The following SLC15A5 variants were observed in gnomAD, a reference collection of about 807,000 sequenced individuals.
SLC15A5 encodes solute carrier family 15 member 5, also known as Peptide/histidine transporter ENSP00000340402.
In SLC15A5, 58 loss-of-function variants were observed where a neutral mutation model predicts 56.1. The ratio of observed to expected loss-of-function variants is 1.03; its 90% CI spans 0.84 to 1.29. SLC15A5 has a LOEUF of 1.29. Among genes scored for constraint, SLC15A5 ranks in the 50% most tolerant of loss-of-function variants. SLC15A5 has a pLI of 0.00. For synonymous variants in SLC15A5, 264 were observed against 250.5 expected (o/e 1.05, Z -0.51); for missense variants, 681 against 672.1 (o/e 1.01, Z -0.15).
chr12:16,231,968 A>G (rs1864303902), intron 5 of SLC15A5, among the ~76,000 whole-genome samples: 1 of 152,234 alleles, frequency 6.6e-6, no homozygotes, highest in South Asian at 2.1e-4. Context: ...TTCCCTTGCC[A>G]AATGGCATTC....
chr12:16,260,369 C>T (rs1341030485), intron 2 of SLC15A5, among the ~76,000 whole-genome samples: 2 of 152,116 alleles, frequency 1.3e-5, no homozygotes, highest in Non-Finnish European at 2.9e-5. Context: ...GTCTTCTTTC[C>T]ACCTTTTGGA....
intron 4 of SLC15A5, among the ~76,000 whole-genome samples, chr12:16,242,080 A>G (rs1591652863): frequency 6.6e-6 from 1 of 152,212 alleles, no homozygotes; most frequent in Non-Finnish European, 1.5e-5. Flanking sequence ...TCAAATGGCA[A>G]CCTCATCAGC....
At chr12:16,208,531 C>T (rs147204100) in intron 7 of SLC15A5, among the ~76,000 whole-genome samples, 44 of 152,098 alleles carry the variant, frequency 2.9e-4, no homozygotes, top group African/African-American at 1.0e-3. Flanking sequence ...AAATTAGCCA[C>T]GCGGTGGTGT....
At chr12:16,209,878 C>A (rs892527620) in intron 7 of SLC15A5, among the ~76,000 whole-genome samples, 2 of 152,108 alleles carry the variant, frequency 1.3e-5, no homozygotes, top group Non-Finnish European at 2.9e-5. Flanking sequence ...ATTCTTTCTT[C>A]CCTCAAAAAT....
At chr12:16,239,660 A>G in intron 5 of SLC15A5, 21 bp downstream of exon 5, 1 of 1,529,280 alleles carries the variant, frequency 6.5e-7, no homozygotes, top group Non-Finnish European at 8.8e-7. Flanking sequence ...GATTCGCATG[A>G]AATGGTTAAA....
Position 16,269,574 on chromosome 12 carries a change from A to C in SLC15A5, c.584+2987T>G, listed in dbSNP as rs1864729674. Among the ~76,000 whole-genome samples, 1 of 151,984 alleles carries C rather than the reference A, an allele frequency of 6.6e-6. No homozygotes were observed. The highest frequency in any genetic ancestry group is 1.9e-4 in the East Asian group (1 of 5,196). Reference sequence around the variant, plus strand: ...CATTTTTACCTCTAGTGCTTCCCTAAGATAAAATATATTTAATTTGAGTAA... The same window carrying C: ...CATTTTTACCTCTAGTGCTTCCCTACGATAAAATATATTTAATTTGAGTAA... On this transcript the variant is annotated intron_variant, in intron 2 of 8. Coordinates refer to ENST00000344941, the MANE Select transcript of SLC15A5 (RefSeq NM_001170798.1). This position sits in a 1 kb window ranked among gnomAD's most constrained non-coding sequence, Gnocchi z 4.7.
intron 2 of SLC15A5, among the ~76,000 whole-genome samples, chr12:16,258,902 A>C (rs1023910636): frequency 1.3e-5 from 2 of 151,316 alleles, no homozygotes; most frequent in African/African-American, 4.9e-5. Flanking sequence ...ATTGGGTTAC[A>C]AGTTGTGCCT....
intron 5 of SLC15A5, among the ~76,000 whole-genome samples, chr12:16,230,081 T>TGA (rs1864281796): frequency 6.6e-6 from 1 of 151,740 alleles, no homozygotes; most frequent in South Asian, 2.1e-4. Flanking sequence ...CTGAAGTAGA[T>TGA]GAGAGAGAGA....
rs1051882014 is a variant in SLC15A5, at chr12:16,217,021, G to A, written c.1355C>T (p.Ser452Phe). ...VAETLVNPAL[S>F]VISYRFVPSN... ...TGGAACAAATCTGTATGATATTACA[G>A]AGACTGAGAGAAAAAGAGAGGTCAG... is the stretch of plus-strand genomic sequence containing the variant. The change falls in exon 7 of 9, where the codon TCT becomes TTT. Residue 452 changes from serine to phenylalanine, a missense_variant. Ser to Phe is a radical substitution (Grantham distance 155, BLOSUM62 -2). Coordinates refer to ENST00000344941, the MANE Select transcript of SLC15A5 (RefSeq NM_001170798.1). 2.0e-6 allele frequency: 3 copies of A among 1,532,184 alleles called. No individual in the cohort carries two copies. Among genetic ancestry groups the A allele is most frequent in the African/African-American group, 1.4e-5 (1 of 72,822 alleles). The allele number at this position is 1,532,184 out of a possible 1,614,324, so 94.9% of individuals were successfully genotyped here.
At chr12:16,273,491 T>C (rs1473522474) in intron 1 of SLC15A5, among the ~76,000 whole-genome samples, 2 of 152,082 alleles carry the variant, frequency 1.3e-5, no homozygotes, top group Non-Finnish European at 1.5e-5. Flanking sequence ...TGACTTTCCT[T>C]GTCTAATAAA....
chr12:16,227,990 T>A (rs1864259790), intron 5 of SLC15A5, among the ~76,000 whole-genome samples: 1 of 152,150 alleles, frequency 6.6e-6, no homozygotes, highest in South Asian at 2.1e-4. Context: ...CCATAGCAAC[T>A]GATGCAAAGA....
rs1863810304 is a variant in SLC15A5 at position 16,188,556 on chromosome 12, C to G, written c.*1112G>C. 6.6e-6 allele frequency: 1 copy of G among 152,164 alleles called. No individual in the cohort carries two copies. Among genetic ancestry groups the G allele is most frequent in the Non-Finnish European group, 1.5e-5 (1 of 68,036 alleles). The allele number at this position is 152,164 out of a possible 1,614,324, so 9.4% of individuals were successfully genotyped here. Reference sequence around the variant, plus strand: ...TATACACAAGGGAGGTGCATAATTGCAGAATAATTTGCAGTCAGCTGATAA... The same window carrying G: ...TATACACAAGGGAGGTGCATAATTGGAGAATAATTTGCAGTCAGCTGATAA... On this transcript the variant is annotated 3_prime_UTR_variant, in exon 9 of 9. Transcript: ENST00000344941.
At chr12:16,256,153 A>C (rs187565782) in intron 3 of SLC15A5, among the ~76,000 whole-genome samples, 1 of 152,234 alleles carries the variant, frequency 6.6e-6, no homozygotes, top group Non-Finnish European at 1.5e-5. Context: ...AATAATTTGC[A>C]AATCTATAGA....
chr12:16,276,639 C>G (rs1864823938), intron 1 of SLC15A5, among the ~76,000 whole-genome samples: 1 of 151,996 alleles, frequency 6.6e-6, no homozygotes, highest in South Asian at 2.1e-4. Flanking sequence ...AGAAGAATAA[C>G]TTGAACTTTT....
intron 3 of SLC15A5, among the ~76,000 whole-genome samples, chr12:16,245,656 C>T (rs778780615): frequency 2.2e-4 from 34 of 152,132 alleles, no homozygotes; most frequent in Non-Finnish European, 4.0e-4. Flanking sequence ...CTCCCTTTGA[C>T]CAGATAAATC....
chr12:16,217,046 G>C lies in SLC15A5; in HGVS notation c.1352-22C>G, dbSNP rs1565660914. ...GAGACTGAGAGAAAAAGAGAGGTCAGAATTTAGAACTTTCTCCTGAAAATG... is the reference window on the plus strand; with the variant it reads ...GAGACTGAGAGAAAAAGAGAGGTCACAATTTAGAACTTTCTCCTGAAAATG... On this transcript the variant is annotated intron_variant, in intron 6 of 8. Coordinates refer to ENST00000344941, the MANE Select transcript of SLC15A5 (RefSeq NM_001170798.1). 3.9e-6 allele frequency: 6 copies of C among 1,521,638 alleles called. No individual in the cohort carries two copies. In the South Asian group the frequency reaches 6.2e-5, roughly 16 times the overall value. 94.3% of individuals were successfully genotyped at this position (1,521,638 alleles called of 1,614,324 possible).
At chr12:16,275,228 G>A (rs1417614279) in intron 1 of SLC15A5, among the ~76,000 whole-genome samples, 1 of 152,014 alleles carries the variant, frequency 6.6e-6, no homozygotes, top group Non-Finnish European at 1.5e-5. Context: ...CATGGATAAG[G>A]GATGGAAAGA....
chr12:16,195,289 A>G (rs557012133), intron 7 of SLC15A5, among the ~76,000 whole-genome samples: 10 of 151,992 alleles, frequency 6.6e-5, no homozygotes, highest in Admixed American at 2.0e-4. Context: ...TCTTCAGTAA[A>G]TTTTGGGGTA....
chr12:16,223,283 A>G (rs1303094089), intron 6 of SLC15A5, among the ~76,000 whole-genome samples: 1 of 152,184 alleles, frequency 6.6e-6, no homozygotes, highest in African/African-American at 2.4e-5. Flanking sequence ...ATAGAATGGG[A>G]GAGATAATGG....
Sources: gnomAD v4.1 joint callset for allele counts (sites outside exome capture counted in the v4.1 genomes callset) on GRCh38, gnomAD v4.1.1 for gene constraint, Gnocchi (gnomAD v3.1) non-coding constraint, MANE v1.5 for transcripts, NCBI Gene and HGNC (gene_info 2026-07-23, HGNC 2026-07-21) for gene names.